RBFOX2: variants seen among roughly 807,000 people sequenced by gnomAD.
RBFOX2 encodes the protein RNA binding protein fox-1 homolog 2.
In RBFOX2, 10 loss-of-function variants were observed where a neutral mutation model predicts 49.1. The ratio of observed to expected loss-of-function variants is 0.20; its 90% CI spans 0.13 to 0.35. The LOEUF (loss-of-function observed/expected upper bound fraction) is 0.35. Ranked by LOEUF, RBFOX2 falls within the 10% of genes least tolerant of loss-of-function variation. The pLI is 1.00. For synonymous variants in RBFOX2, 183 were observed against 187.4 expected (o/e 0.98, Z 0.19); for missense variants, 323 against 486.9 (o/e 0.66, Z 3.17).
At chr22:35,769,765 A>G (rs1288663550) in intron 4 of RBFOX2, among the ~76,000 whole-genome samples, 1 of 152,160 alleles carries the variant, frequency 6.6e-6, no homozygotes, top group African/African-American at 2.4e-5. Context: ...CTGACACGGT[A>G]AACAATGCGC....
At chr22:35,992,223 A>C (rs2058012713) in intron 1 of RBFOX2, 1 of 152,196 alleles carries the variant, frequency 6.6e-6, no homozygotes, top group Non-Finnish European at 1.5e-5. Flanking sequence ...AGCAGAGGGA[A>C]CGCAAAGAAA....
At chr22:35,871,116 T>C (rs1257663856) in intron 1 of RBFOX2, among the ~76,000 whole-genome samples, 1 of 152,224 alleles carries the variant, frequency 6.6e-6, no homozygotes, top group Non-Finnish European at 1.5e-5. Context: ...CCTTGAAAGA[T>C]ATTCTAAAAG....
At chr22:35,754,424 G>A (rs1280538924) in intron 9 of RBFOX2, among the ~76,000 whole-genome samples, 2 of 152,144 alleles carry the variant, frequency 1.3e-5, no homozygotes, top group African/African-American at 2.4e-5. Context: ...ACATAAATAG[G>A]TTGTATTTAA....
At chr22:35,999,368 G>A (rs186849989) in intron 1 of RBFOX2, 2 of 139,454 alleles carry the variant, frequency 1.4e-5, no homozygotes, top group East Asian at 4.1e-4. Context: ...AACATGGCAA[G>A]TCCCTGTCTC....
At chr22:36,019,416 C>G (rs556886942) in intron 1 of RBFOX2, among the ~76,000 whole-genome samples, 1 of 152,304 alleles carries the variant, frequency 6.6e-6, no homozygotes, top group South Asian at 2.1e-4. Flanking sequence ...CCACTCCATG[C>G]AGATTAAACA....
intron 1 of RBFOX2, among the ~76,000 whole-genome samples, chr22:35,810,765 G>A (rs1384528120): frequency 7.2e-5 from 11 of 152,104 alleles, no homozygotes; most frequent in Non-Finnish European, 1.3e-4. Flanking sequence ...AATTTGGTAA[G>A]TTTTGATATA....
At chr22:35,755,494 A>G (rs1045615474) in intron 9 of RBFOX2, among the ~76,000 whole-genome samples, 15 of 152,130 alleles carry the variant, frequency 9.9e-5, no homozygotes, top group African/African-American at 2.9e-4. Context: ...ATTTCCTCCA[A>G]TGGCTTTTAA....
intron 1 of RBFOX2, among the ~76,000 whole-genome samples, chr22:35,888,852 C>G (rs571914761): frequency 1.3e-5 from 2 of 152,250 alleles, no homozygotes; most frequent in Non-Finnish European, 2.9e-5. Flanking sequence ...AACCTAGTTC[C>G]CTGCTTCCTT....
At chr22:35,842,775 A>C (rs1057151204), upstream of RBFOX2, among the ~76,000 whole-genome samples, 3 of 152,090 alleles carry the variant, frequency 2.0e-5, no homozygotes, top group Non-Finnish European at 4.4e-5. Flanking sequence ...ACATCATGGA[A>C]AGAGACAAGG....
intron 1 of RBFOX2, among the ~76,000 whole-genome samples, chr22:35,948,311 A>C (rs1297059544): frequency 1.3e-5 from 2 of 152,148 alleles, no homozygotes; most frequent in Non-Finnish European, 2.9e-5. Flanking sequence ...CAGTTCTTTC[A>C]ATTTTCTTTA....
intron 11 of RBFOX2, among the ~76,000 whole-genome samples, chr22:35,745,151 G>A (rs1932046681): frequency 6.6e-6 from 1 of 152,068 alleles, no homozygotes; most frequent in African/African-American, 2.4e-5. Context: ...ATTTCATTCT[G>A]TCTCCTTTTC....
intron 1 of RBFOX2, among the ~76,000 whole-genome samples, chr22:35,813,201 T>C (rs991802978): frequency 2.6e-5 from 4 of 152,224 alleles, no homozygotes; most frequent in Non-Finnish European, 4.4e-5. Flanking sequence ...TTTTCTCTCA[T>C]ATAGCATGCA....
intron 1 of RBFOX2, among the ~76,000 whole-genome samples, chr22:35,916,877 T>TAAAAAAA (rs1479328941): frequency 6.7e-6 from 1 of 148,970 alleles, no homozygotes; most frequent in African/African-American, 2.5e-5. Context: ...TCTGAAAAAT[T>TAAAAAAA]TAAAAAAAAA....
intron 1 of RBFOX2, among the ~76,000 whole-genome samples, chr22:36,012,442 T>C (rs1042105968): frequency 1.3e-5 from 2 of 152,140 alleles, no homozygotes; most frequent in East Asian, 1.9e-4. Flanking sequence ...TTTTATAAAC[T>C]GTAAAACATA....
intron 1 of RBFOX2, among the ~76,000 whole-genome samples, chr22:35,865,112 C>T (rs2043519247): frequency 6.6e-6 from 1 of 152,140 alleles, no homozygotes; most frequent in South Asian, 2.1e-4. Flanking sequence ...GGAAAAATAA[C>T]TGTATGAATA....
intron 6 of RBFOX2, among the ~76,000 whole-genome samples, chr22:35,765,139 G>A (rs1345769689): frequency 6.6e-6 from 1 of 150,758 alleles, no homozygotes; most frequent in Non-Finnish European, 1.5e-5. Context: ...AAAAGAAGGT[G>A]CTCAGGTGGG....
At chr22:35,917,834 C>T (rs561021925) in intron 1 of RBFOX2, among the ~76,000 whole-genome samples, 1 of 152,314 alleles carries the variant, frequency 6.6e-6, no homozygotes, top group African/African-American at 2.4e-5. Context: ...TGATGGAGTA[C>T]AGCAGGGCTT....
At chr22:35,755,028 C>A (rs1301473021) in intron 9 of RBFOX2, among the ~76,000 whole-genome samples, 1 of 152,188 alleles carries the variant, frequency 6.6e-6, no homozygotes, top group Non-Finnish European at 1.5e-5. Context: ...TGAGTGCATT[C>A]TGAAAGTGCA....
At chr22:35,937,577 T>G (rs924222145) in intron 1 of RBFOX2, among the ~76,000 whole-genome samples, 17 of 152,052 alleles carry the variant, frequency 1.1e-4, no homozygotes, top group Non-Finnish European at 2.4e-4. Context: ...TTTTTGTAGT[T>G]GTTGTTTTTG....
Sources: gnomAD v4.1 joint callset for allele counts (sites outside exome capture counted in the v4.1 genomes callset) on GRCh38, gnomAD v4.1.1 for gene constraint, MANE v1.5 for transcripts, NCBI Gene and HGNC (gene_info 2026-07-23, HGNC 2026-07-21) for gene names.